Variants in PLEKHA1 observed in about 807,000 individuals in gnomAD.
PLEKHA1 encodes pleckstrin homology domain-containing family A member 1.
A neutral mutation model predicts 52.0 loss-of-function variants in PLEKHA1; 34 were observed. The observed-to-expected ratio is 0.65, with a 90% CI of 0.50 to 0.87. PLEKHA1 has a LOEUF of 0.87. Among genes scored for constraint, PLEKHA1 ranks in the 40% least tolerant of loss-of-function variants. PLEKHA1 has a pLI of 0.00. For missense variants in PLEKHA1, 497 were observed against 504.2 expected (o/e 0.99, Z 0.14); for synonymous variants, 163 against 170.7 (o/e 0.95, Z 0.35).
intron 2 of PLEKHA1, among the ~76,000 whole-genome samples, chr10:122,395,339 C>A (rs150515357): frequency 6.6e-6 from 1 of 152,114 alleles, no homozygotes; most frequent in Non-Finnish European, 1.5e-5. Flanking sequence ...TATCTTCTTT[C>A]CAACTTAGGA....
intron 8 of PLEKHA1, chr10:122,420,937 T>G (rs1386420915): frequency 6.6e-6 from 1 of 152,142 alleles, no homozygotes; most frequent in African/African-American, 2.4e-5. Context: ...CACTGATTGA[T>G]AAAATCAAGA....
chr10:122,397,009 T>C (rs1490339436), intron 2 of PLEKHA1, among the ~76,000 whole-genome samples: 1 of 152,124 alleles, frequency 6.6e-6, no homozygotes, highest in Non-Finnish European at 1.5e-5. Flanking sequence ...GCTACTTTTT[T>C]ATTTAGGTCC....
intron 5 of PLEKHA1, among the ~76,000 whole-genome samples, chr10:122,408,367 T>C (rs1288143657): frequency 6.6e-6 from 1 of 152,168 alleles, no homozygotes; most frequent in Non-Finnish European, 1.5e-5. Context: ...CTTTTCAGCA[T>C]GAAGGAAAAA....
intron 4 of PLEKHA1, among the ~76,000 whole-genome samples, chr10:122,405,987 G>A (rs947973489): frequency 2.0e-5 from 3 of 152,070 alleles, no homozygotes; most frequent in Non-Finnish European, 2.9e-5. Flanking sequence ...CCTCAGATGG[G>A]GTCTAGGAAA....
intron 2 of PLEKHA1, among the ~76,000 whole-genome samples, chr10:122,396,191 C>T (rs1476678483): frequency 1.3e-5 from 2 of 151,898 alleles, no homozygotes; most frequent in African/African-American, 4.8e-5. Flanking sequence ...GCTTAGAGCT[C>T]TATTCAGCAG....
chr10:122,419,394 T>G (rs1014738182), intron 8 of PLEKHA1: 1 of 152,212 alleles, frequency 6.6e-6, no homozygotes, highest in African/African-American at 2.4e-5. Flanking sequence ...TCTCAAAGCT[T>G]AAGAGCCTCA....
rs1352896892 is a variant in PLEKHA1, at chr10:122,382,721, G to GT, written c.-21+7921dup. ...TGTATTGTACACAGTTTGTTCTTTTGTTTTTTGTTTGTACCTCTTTTCTCT... is the reference window on the plus strand; with the variant it reads ...TGTATTGTACACAGTTTGTTCTTTTGTTTTTTTGTTTGTACCTCTTTTCTCT... On this transcript the variant is annotated intron_variant, in intron 1 of 11. Transcript: ENST00000368990. Among the ~76,000 whole-genome samples, 8 of 152,122 alleles carry GT rather than the reference G, an allele frequency of 5.3e-5. 1 individual carries two copies. In the East Asian group the frequency reaches 1.5e-3, roughly 29 times the overall value.
chr10:122,424,932 A>T lies in PLEKHA1; in HGVS notation c.783A>T (p.Val261=). 6.2e-7 allele frequency: 1 copy of T among 1,610,668 alleles called. No individual in the cohort carries two copies. Among genetic ancestry groups the T allele is most frequent in the Non-Finnish European group, 8.5e-7 (1 of 1,178,318 alleles). The change falls in exon 10 of 12, where the codon GTA becomes GTT. Residue 261 remains valine (V), a synonymous_variant. Transcript: ENST00000368990. ...TGAGGGACAACCTCTTTGAAATTGTAACAACGTCTCGAACTTTCTATGTGC... is the reference window on the plus strand; with the variant it reads ...TGAGGGACAACCTCTTTGAAATTGTTACAACGTCTCGAACTTTCTATGTGC... ...IMMRDNLFEI[V]TTSRTFYVQA...
chr10:122,432,787 G>C (rs1344064893), downstream of PLEKHA1: 1 of 152,142 alleles, frequency 6.6e-6, no homozygotes, highest in African/African-American at 2.4e-5. Flanking sequence ...GCTGCTCCTT[G>C]CAAACGTTCC....
At chr10:122,378,893 C>T (rs536737493) in intron 1 of PLEKHA1, among the ~76,000 whole-genome samples, 5 of 152,104 alleles carry the variant, frequency 3.3e-5, no homozygotes, top group South Asian at 2.1e-4. Flanking sequence ...GGGGTATGGA[C>T]GGCTTGTGGT....
chr10:122,376,571 C>G (rs1184816533), intron 1 of PLEKHA1, among the ~76,000 whole-genome samples: 3 of 150,902 alleles, frequency 2.0e-5, no homozygotes, highest in Non-Finnish European at 4.4e-5. Context: ...CGCGGGCGCG[C>G]GCAGAGCTTC....
the PLEKHA1 span, chr10:122,438,308 A>G: frequency 6.6e-6 from 1 of 152,276 alleles, no homozygotes; most frequent in South Asian, 2.1e-4. Context: ...TTGTTGATGA[A>G]ATGACCCAGT....
chr10:122,415,769 G>A (rs2097166005), intron 6 of PLEKHA1, 90 bp from the exon 7 acceptor site: 2 of 1,253,058 alleles, frequency 1.6e-6, no homozygotes, highest in Non-Finnish European at 2.2e-6. Context: ...CTAATCTAAG[G>A]TGGATTTTAA....
At chr10:122,437,115 T>C (rs377339214), downstream of PLEKHA1, 4 of 151,994 alleles carry the variant, frequency 2.6e-5, no homozygotes, top group East Asian at 5.8e-4. Context: ...CAATGGCGTC[T>C]GTTTCTTTTT....
downstream of PLEKHA1, chr10:122,432,921 T>C (rs2097425111): frequency 6.6e-6 from 1 of 152,244 alleles, no homozygotes; most frequent in Non-Finnish European, 1.5e-5. Context: ...TACTGTAGAA[T>C]GTGTGAACTT....
intron 7 of PLEKHA1, among the ~76,000 whole-genome samples, chr10:122,416,772 G>A (rs2097181897): frequency 6.6e-6 from 1 of 152,086 alleles, no homozygotes; most frequent in Admixed American, 6.5e-5. Flanking sequence ...GTTTGAAAAT[G>A]TTTTTTAAGT....
intron 2 of PLEKHA1, among the ~76,000 whole-genome samples, chr10:122,397,669 C>T (rs544613554): frequency 7.2e-5 from 11 of 152,034 alleles, no homozygotes; most frequent in Non-Finnish European, 1.5e-4. Context: ...TAGTTTAGCT[C>T]CAGTGATAAA....
chr10:122,394,572 G>C (rs1258119713), intron 2 of PLEKHA1, among the ~76,000 whole-genome samples: 1 of 152,256 alleles, frequency 6.6e-6, no homozygotes, highest in African/African-American at 2.4e-5. Flanking sequence ...GTTCTGTTCT[G>C]TTTCACAGAG....
At chr10:122,433,806 C>G (rs1221488919), downstream of PLEKHA1, 1 of 152,208 alleles carries the variant, frequency 6.6e-6, no homozygotes, top group Admixed American at 6.5e-5. Context: ...ATGTTTGATA[C>G]CCCTTTATTG....
Sources: gnomAD v4.1 joint callset for allele counts (sites outside exome capture counted in the v4.1 genomes callset) on GRCh38, gnomAD v4.1.1 for gene constraint, MANE v1.5 for transcripts, NCBI Gene and HGNC (gene_info 2026-07-23, HGNC 2026-07-21) for gene names.